Variants in NUP50 observed in about 807,000 individuals in gnomAD.
NUP50 encodes nucleoporin 50.
NUP50 carries 14 observed loss-of-function variants against 36.8 expected under a neutral mutation model. That is an observed-to-expected ratio of 0.38 (90% CI 0.25 to 0.59). The LOEUF is 0.59. NUP50 is among the 20% of genes least tolerant of loss of function. The probability of loss-of-function intolerance (pLI) is 0.63; values close to 1 mark genes in which losing one functional copy is unlikely to be tolerated. For missense variants in NUP50, 455 were observed against 564.6 expected, an observed-to-expected ratio of 0.81 and a Z score of 1.97; for synonymous variants, 195 against 210.8, an observed-to-expected ratio of 0.93 and a Z score of 0.65.
At chr22:45,182,412 A>C (rs1297634712) in intron 6 of NUP50, among the ~76,000 whole-genome samples, 1 of 152,132 alleles carries the variant, frequency 6.6e-6, no homozygotes, top group African/African-American at 2.4e-5. Flanking sequence ...ACTGCACTCC[A>C]GCCTGGGCCA....
intron 3 of NUP50, among the ~76,000 whole-genome samples, chr22:45,173,192 G>A (rs2074223953): frequency 6.6e-6 from 1 of 152,142 alleles, no homozygotes. Flanking sequence ...CTTGTGTTTT[G>A]TAATTAATTA....
In NUP50 at chr22:45,187,477, T is replaced by C. The variant is rs535676955; in HGVS notation, c.*2822T>C. 16 of 152,150 alleles carry C rather than the reference T, an allele frequency of 1.1e-4. No individual in the cohort carries two copies. Among genetic ancestry groups the C allele is most frequent in the Non-Finnish European group, 1.9e-4 (13 of 68,006 alleles). 9.4% of individuals were successfully genotyped at this position (152,150 alleles called of 1,614,324 possible). A position where few individuals can be genotyped will look rare whatever the true frequency, so the allele number is the denominator to read the frequency against. On this transcript the variant is annotated 3_prime_UTR_variant, in exon 8 of 8. Coordinates refer to ENST00000347635, the MANE Select transcript of NUP50 (RefSeq NM_007172.4). ...GTGTGGAGGGGAAGAAAAACTAATA[T>C]TCTACCTTACTAGTAGAGTTCAAAA...
intron 1 of NUP50, chr22:45,164,864 G>C (rs1471046987): frequency 6.5e-6 from 1 of 152,756 alleles, no homozygotes; most frequent in Non-Finnish European, 1.5e-5. Flanking sequence ...CTCTTCTCTT[G>C]GGCGCATTAC....
rs747206966 is a variant in NUP50 at position 45,171,701 on chromosome 22, G to T, written c.153+18G>T. The T allele has an allele frequency of 1.2e-6, 2 of 1,602,194 alleles. No homozygotes were observed. Among genetic ancestry groups the T allele is most frequent in the Admixed American group, 3.3e-5 (2 of 60,012 alleles). The stretch of plus-strand genomic sequence containing the variant: ...GATTTGAAGTGAGTGCCCCCTTACA[G>T]CTCTTGCTATTAAATACTCATTTGA... On this transcript the variant is annotated intron_variant, in intron 3 of 7. Coordinates refer to ENST00000347635, the MANE Select transcript of NUP50 (RefSeq NM_007172.4).
At position 45,171,595 on chromosome 22, in the gene NUP50, T is replaced by C. The variant is rs780455079; in HGVS notation, c.70-5T>C. ...TACTGCTGCTTAATTTGTATTGTAT[T>C]GCAGGTGGGAACATTCTCCATGGCC... On this transcript the variant is annotated splice_polypyrimidine_tract_variant and splice_region_variant and intron_variant, in intron 2 of 7. Coordinates refer to ENST00000347635, the MANE Select transcript of NUP50 (RefSeq NM_007172.4). 3 of 1,612,584 alleles carry C rather than the reference T, an allele frequency of 1.9e-6. No individual in the cohort carries two copies. Among genetic ancestry groups the C allele is most frequent in the Non-Finnish European group, 2.5e-6 (3 of 1,178,594 alleles).
chr22:45,184,418 T>C, intron 7 of NUP50, 35 bp from the exon 8 acceptor site: 1 of 1,591,174 alleles, frequency 6.3e-7, no homozygotes. Context: ...CTATAGCTTC[T>C]ATAATTTTGA....
intron 4 of NUP50, 105 bp from the exon 5 acceptor site, chr22:45,178,133 G>T: frequency 1.0e-6 from 1 of 996,544 alleles, no homozygotes; most frequent in Non-Finnish European, 1.5e-6. Context: ...TGGTGTGGGG[G>T]GAGATACAGT....
At position 45,187,243 on chromosome 22, in the gene NUP50, T is replaced by C. The variant is rs376520839; in HGVS notation, c.*2588T>C. On this transcript the variant is annotated 3_prime_UTR_variant, in exon 8 of 8. Transcript: ENST00000347635. ...TCCTAGTAAGCAAAAAAATTTGTTA[T>C]GCCATCTTCATTATTCGAATTACAG... 11 of 151,744 alleles carry C rather than the reference T, an allele frequency of 7.2e-5. 2 individuals are homozygous for C. Among genetic ancestry groups the C allele is most frequent in the Admixed American group, 6.6e-5 (1 of 15,206 alleles). The allele number at this position is 151,744 out of a possible 1,614,324, so 9.4% of individuals were successfully genotyped here.
rs1223227681 is a variant in NUP50, at chr22:45,187,235, ATT to A, written c.*2582_*2583del. 1 of 149,250 alleles carries A rather than the reference ATT, an allele frequency of 6.7e-6. No individual in the cohort carries two copies. The highest frequency in any genetic ancestry group is 2.5e-5 in the African/African-American group (1 of 40,454). 9.2% of individuals were successfully genotyped at this position (149,250 alleles called of 1,614,324 possible). The stretch of plus-strand genomic sequence containing the variant: ...TTGCGCATTCCTAGTAAGCAAAAAA[ATT>A]TGTTATGCCATCTTCATTATTCGAA... On this transcript the variant is annotated 3_prime_UTR_variant, in exon 8 of 8. Coordinates refer to ENST00000347635, the MANE Select transcript of NUP50 (RefSeq NM_007172.4).
chr22:45,168,323 C>A, intron 2 of NUP50, 77 bp downstream of exon 2: 1 of 1,114,120 alleles, frequency 9.0e-7, no homozygotes, highest in Non-Finnish European at 1.3e-6. Context: ...CTCATGAAGA[C>A]TTGTGACAGA....
In NUP50 at chr22:45,185,987, A is replaced by G. The variant is rs1389415488; in HGVS notation, c.*1332A>G. The G allele has an allele frequency of 6.6e-6, 1 of 152,178 alleles. No homozygotes were observed. Among genetic ancestry groups the G allele is most frequent in the African/African-American group, 2.4e-5 (1 of 41,454 alleles). 9.4% of individuals were successfully genotyped at this position (152,178 alleles called of 1,614,324 possible). On this transcript the variant is annotated 3_prime_UTR_variant, in exon 8 of 8. Coordinates refer to ENST00000347635, the MANE Select transcript of NUP50 (RefSeq NM_007172.4). The stretch of plus-strand genomic sequence containing the variant: ...AGTGCGTAGCACATTCTCCATTTAG[A>G]AAAGAGTGGTCAGAATAATTGTGGA...
Position 45,168,168 on chromosome 22 carries a change from G to T in NUP50, c.-10G>T. 6.2e-7 allele frequency: 1 copy of T among 1,601,216 alleles called. No individual in the cohort carries two copies. The highest frequency in any genetic ancestry group is 8.5e-7 in the Non-Finnish European group (1 of 1,174,858). ...AACTCTTCTGTTTTCTATAACTTAGGTTCGAAAACATGGCCAAAAGAAATG... is the reference window on the plus strand; with the variant it reads ...AACTCTTCTGTTTTCTATAACTTAGTTTCGAAAACATGGCCAAAAGAAATG... On this transcript the variant is annotated splice_region_variant and 5_prime_UTR_variant, in exon 2 of 8. Transcript: ENST00000347635.
At position 45,178,878 on chromosome 22, in the gene NUP50, AG is replaced by A. The variant is rs755810877; in HGVS notation, c.983del (p.Gly328ValfsTer20). 1 of 1,613,388 alleles carries A rather than the reference AG, an allele frequency of 6.2e-7. No homozygotes were observed. The highest frequency in any genetic ancestry group is 1.1e-5 in the South Asian group (1 of 90,958). On this transcript the variant is annotated frameshift_variant, in exon 5 of 8. Coordinates refer to ENST00000347635, the MANE Select transcript of NUP50 (RefSeq NM_007172.4). LOFTEE classifies it high-confidence loss of function. ...PTKPLEGQAE[G>X]DSGECKGGDE... Reference sequence around the variant, plus strand: ...CTAAACCATTGGAGGGCCAAGCAGAAGGTGACAGTGGTGAATGCAAAGGTAA... The same window carrying A: ...CTAAACCATTGGAGGGCCAAGCAGAAGTGACAGTGGTGAATGCAAAGGTAA...
At position 45,184,652 on chromosome 22, in the gene NUP50, C is replaced by G; in HGVS notation, c.1404C>G (p.Ala468=). The change falls in exon 8 of 8, where the codon GCC becomes GCG. Residue 468 remains alanine, a synonymous_variant. Coordinates refer to ENST00000347635, the MANE Select transcript of NUP50 (RefSeq NM_007172.4). The part of the protein sequence containing the change: ...LHKILLEKKD[A] ...AAATTTTACTGGAGAAAAAGGATGC[C>G]TGAACACGCAAAGTCGGCTGCAGAA... The G allele has an allele frequency of 6.2e-7, 1 of 1,611,392 alleles. No homozygotes were observed. The highest frequency in any genetic ancestry group is 8.5e-7 in the Non-Finnish European group (1 of 1,178,630).
Position 45,187,310 on chromosome 22 carries a change from G to A in NUP50, c.*2655G>A, listed in dbSNP as rs2083459234. On this transcript the variant is annotated 3_prime_UTR_variant, in exon 8 of 8. Coordinates refer to ENST00000347635, the MANE Select transcript of NUP50 (RefSeq NM_007172.4). ...CAGTTTTTAAAGAAGTTTAGATTAT[G>A]TTTTCCATGGAAGGACAAGTCTGAC... The A allele has an allele frequency of 6.7e-6, 1 of 149,474 alleles. No homozygotes were observed. Among genetic ancestry groups the A allele is most frequent in the Non-Finnish European group, 1.5e-5 (1 of 67,648 alleles). The allele number at this position is 149,474 out of a possible 1,614,324, so 9.3% of individuals were successfully genotyped here. A position where few individuals can be genotyped will look rare whatever the true frequency, so the allele number is the denominator to read the frequency against.
chr22:45,183,615 CA>C (rs1569058089), intron 7 of NUP50, 95 bp downstream of exon 7: 1 of 848,708 alleles, frequency 1.2e-6, no homozygotes, highest in African/African-American at 1.7e-5. Flanking sequence ...TGTTTTTAAA[CA>C]GAGCGCATTC....
Position 45,178,876 on chromosome 22 carries a change from G to A in NUP50, c.979G>A (p.Glu327Lys). The A allele has an allele frequency of 6.2e-7, 1 of 1,613,416 alleles. No individual in the cohort carries two copies. The highest frequency in any genetic ancestry group is 8.5e-7 in the Non-Finnish European group (1 of 1,179,618). The change falls in exon 5 of 8, where the codon GAA becomes AAA. Residue 327 changes from glutamate (E) to lysine (K), a missense_variant. By Grantham distance (56) the Glu-to-Lys change is moderately conservative. Coordinates refer to ENST00000347635, the MANE Select transcript of NUP50 (RefSeq NM_007172.4). ...CACTAAACCATTGGAGGGCCAAGCA[G>A]AAGGTGACAGTGGTGAATGCAAAGG... ...FPTKPLEGQA[E>K]GDSGECKGGD... is the part of the protein sequence containing the mutation.
intron 4 of NUP50, 31 bp from the exon 5 acceptor site, chr22:45,178,207 A>G (rs761692849): frequency 3.8e-6 from 6 of 1,583,700 alleles, no homozygotes; most frequent in Non-Finnish European, 3.4e-6. Context: ...AATTAGGCTA[A>G]ATAAATGGTT....
At chr22:45,172,923 G>A (rs1401678689) in intron 3 of NUP50, among the ~76,000 whole-genome samples, 5 of 152,180 alleles carry the variant, frequency 3.3e-5, no homozygotes, top group Non-Finnish European at 7.3e-5. Context: ...TGTAATTCGA[G>A]GCAGAGATAC....
Sources: gnomAD v4.1 joint callset for allele counts (sites outside exome capture counted in the v4.1 genomes callset) on GRCh38, gnomAD v4.1.1 for gene constraint, MANE v1.5 for transcripts, NCBI Gene and HGNC (gene_info 2026-07-23, HGNC 2026-07-21) for gene names.